CADM2: variants seen among roughly 807,000 people sequenced by gnomAD.
CADM2 encodes the protein immunoglobulin superfamily member 4D.
CADM2 carries 12 observed loss-of-function variants against 49.8 expected under a neutral mutation model. That is an observed-to-expected ratio of 0.24 (90% confidence interval 0.15 to 0.39). The LOEUF is 0.39. Among genes scored for constraint, CADM2 ranks in the 10% least tolerant of loss-of-function variants. The pLI, the probability that CADM2 is intolerant of heterozygous loss-of-function variation, is 1.00. For missense variants in CADM2, 378 were observed against 492.3 expected (o/e 0.77, Z 2.20); for synonymous variants, 214 against 175.4 (o/e 1.22, Z -1.74).
At chr3:85,802,783 C>A (rs902662256) in intron 3 of CADM2, among the ~76,000 whole-genome samples, 6 of 151,804 alleles carry the variant, frequency 4.0e-5, no homozygotes, top group Non-Finnish European at 8.8e-5. Context: ...ATTAAACATT[C>A]CAGAGAAAAA....
intron 1 of CADM2, among the ~76,000 whole-genome samples, chr3:85,561,084 G>T (rs992674459): frequency 6.6e-6 from 1 of 152,076 alleles, no homozygotes; most frequent in Non-Finnish European, 1.5e-5. Context: ...GAATAAAAAT[G>T]TTTGACTGAA....
chr3:85,126,179 A>G lies in CADM2; in HGVS notation c.61+166511A>G, dbSNP rs200215697. Reference sequence around the variant, plus strand: ...CCTCTACTTTTGATAAGAGCCTGAAAAATCTGTATACAGGCAGAGTTTTCC... The same window carrying G: ...CCTCTACTTTTGATAAGAGCCTGAAGAATCTGTATACAGGCAGAGTTTTCC... On this transcript the variant is annotated intron_variant, in intron 1 of 9. Coordinates refer to ENST00000383699, the MANE Select transcript of CADM2 (RefSeq NM_001167675.2). Among the ~76,000 whole-genome samples the G allele has an allele frequency of 3.9e-5, 6 of 152,170 alleles. No homozygotes were observed. The East Asian group carries it at 1.2e-3, about 29-fold the overall frequency.
chr3:85,452,415 A>C (rs2037788258), intron 1 of CADM2, among the ~76,000 whole-genome samples: 1 of 152,114 alleles, frequency 6.6e-6, no homozygotes, highest in Non-Finnish European at 1.5e-5. Context: ...GTCTGCCTTG[A>C]AGAAACACTT....
At position 85,541,715 on chromosome 3, in the gene CADM2, A is replaced by T. The variant is rs200333371; in HGVS notation, c.62-184807A>T. Among the ~76,000 whole-genome samples the T allele has an allele frequency of 1.0e-3, 38 of 36,910 alleles. No individual in the cohort carries two copies. The East Asian group carries it at 0.037, about 36-fold the overall frequency. 24.2% of individuals were successfully genotyped at this position (36,910 alleles called of 152,430 possible). On this transcript the variant is annotated intron_variant, in intron 1 of 9. Coordinates refer to ENST00000383699, the MANE Select transcript of CADM2 (RefSeq NM_001167675.2). ...GGGAATTAAATTATATATATATTTT[A>T]TATTATATATATATATTTTATATAT...
chr3:85,296,216 A>G (rs921049662), intron 1 of CADM2, among the ~76,000 whole-genome samples: 4 of 152,114 alleles, frequency 2.6e-5, no homozygotes, highest in African/African-American at 9.7e-5. Context: ...ACTTTGAGAA[A>G]GTAAATCTAT....
At chr3:85,042,144 T>G (rs1445004968) in intron 1 of CADM2, among the ~76,000 whole-genome samples, 1 of 152,116 alleles carries the variant, frequency 6.6e-6, no homozygotes, top group African/African-American at 2.4e-5. Flanking sequence ...GCGTACCCAC[T>G]CTCATCAATG....
At chr3:85,845,607 G>T (rs1047046386) in intron 3 of CADM2, among the ~76,000 whole-genome samples, 2 of 152,050 alleles carry the variant, frequency 1.3e-5, no homozygotes, top group African/African-American at 4.8e-5. Context: ...ATAAAGACAT[G>T]GTAATCCCAG....
chr3:85,148,111 A>G (rs1366019710), intron 1 of CADM2, among the ~76,000 whole-genome samples: 4 of 152,220 alleles, frequency 2.6e-5, no homozygotes, highest in African/African-American at 9.6e-5. Context: ...AGGTCATTTA[A>G]TGAATATCAC....
At chr3:85,614,981 G>A (rs1193132140) in intron 1 of CADM2, among the ~76,000 whole-genome samples, 2 of 151,908 alleles carry the variant, frequency 1.3e-5, no homozygotes, top group Non-Finnish European at 2.9e-5. Context: ...CTTTGATATA[G>A]CTGTCCTTTA....
At chr3:85,043,243 A>G (rs1455912381) in intron 1 of CADM2, among the ~76,000 whole-genome samples, 5 of 152,038 alleles carry the variant, frequency 3.3e-5, no homozygotes, top group Admixed American at 2.6e-4. Context: ...TGCTACAGGT[A>G]GGAAGGGGCC....
intron 1 of CADM2, among the ~76,000 whole-genome samples, chr3:84,989,113 A>G (rs2107170613): frequency 6.6e-6 from 1 of 152,224 alleles, no homozygotes; most frequent in African/African-American, 2.4e-5. Flanking sequence ...TTTTGCTGAG[A>G]GTTTGCTTAT....
chr3:85,232,786 G>A (rs1041172311), intron 1 of CADM2, among the ~76,000 whole-genome samples: 83 of 152,264 alleles, frequency 5.5e-4, no homozygotes, highest in African/African-American at 1.9e-3. Flanking sequence ...TCTCATTCAT[G>A]GATGTTAAGA....
chr3:85,816,567 A>G (rs577223822), intron 3 of CADM2, among the ~76,000 whole-genome samples: 6 of 152,174 alleles, frequency 3.9e-5, no homozygotes, highest in Non-Finnish European at 8.8e-5. Flanking sequence ...CTTTATGAAA[A>G]TAATTTTAAC....
chr3:85,462,573 C>T (rs944749209), intron 1 of CADM2, among the ~76,000 whole-genome samples: 1 of 152,052 alleles, frequency 6.6e-6, no homozygotes, highest in African/African-American at 2.4e-5. Context: ...AATCTGGGTT[C>T]GTTTTATTCT....
At chr3:85,664,173 A>G (rs1485779110) in intron 1 of CADM2, among the ~76,000 whole-genome samples, 1 of 151,722 alleles carries the variant, frequency 6.6e-6, no homozygotes, top group Non-Finnish European at 1.5e-5. Context: ...ATTTCTATCT[A>G]CTTTCATTTT....
chr3:85,543,332 G>A (rs537636942), intron 1 of CADM2, among the ~76,000 whole-genome samples: 5 of 149,666 alleles, frequency 3.3e-5, no homozygotes, highest in South Asian at 2.1e-4. Context: ...TCTGTTTACC[G>A]CAACCTCCGC....
chr3:85,293,370 C>T (rs1244857682), intron 1 of CADM2, among the ~76,000 whole-genome samples: 1 of 150,116 alleles, frequency 6.7e-6, no homozygotes, highest in East Asian at 1.9e-4. Context: ...CAAGGAGGAA[C>T]TGGTACCATT....
intron 1 of CADM2, among the ~76,000 whole-genome samples, chr3:85,359,605 C>A (rs1261560168): frequency 8.0e-6 from 1 of 124,314 alleles, no homozygotes; most frequent in Non-Finnish European, 1.6e-5. Context: ...CTGATACTTT[C>A]TCTGATTATT....
chr3:85,035,237 T>A (rs921564307), intron 1 of CADM2, among the ~76,000 whole-genome samples: 13 of 152,182 alleles, frequency 8.5e-5, no homozygotes, highest in Admixed American at 7.9e-4. Context: ...AATTGTCTAT[T>A]CATATTTTTG....
Sources: allele counts gnomAD v4.1 joint callset (sites outside exome capture counted in the v4.1 genomes callset), GRCh38; gene constraint gnomAD v4.1.1; transcripts MANE v1.5; gene names NCBI Gene and HGNC (gene_info 2026-07-23, HGNC 2026-07-21).